PSD3: variants seen among roughly 807,000 people sequenced by gnomAD.
PSD3 encodes the protein PH and SEC7 domain-containing protein 3.
Under a neutral mutation model 105.5 loss-of-function variants are expected in PSD3, and 49 were observed. The observed-to-expected ratio is 0.46, with a 90% CI of 0.37 to 0.59. The LOEUF (loss-of-function observed/expected upper bound fraction) is 0.59. Among genes scored for constraint, PSD3 ranks in the 20% least tolerant of loss-of-function variants. PSD3 has a pLI of 0.00. For synonymous variants in PSD3, 557 were observed against 457.8 expected (o/e 1.22, Z -2.77); for missense variants, 1,561 against 1,263.8 (o/e 1.24, Z -3.57).
intron 2 of PSD3, among the ~76,000 whole-genome samples, chr8:18,914,611 G>C (rs535047553): frequency 6.6e-6 from 1 of 152,258 alleles, no homozygotes; most frequent in East Asian, 1.9e-4. Context: ...AATCTCATTT[G>C]TAACACCTAC....
chr8:18,841,677 G>A (rs889835167), intron 4 of PSD3, among the ~76,000 whole-genome samples: 1 of 152,132 alleles, frequency 6.6e-6, no homozygotes, highest in Non-Finnish European at 1.5e-5. Context: ...GTATAATGAA[G>A]ATAGCCAAAA....
intron 6 of PSD3, among the ~76,000 whole-genome samples, chr8:18,803,864 G>C (rs1810956949): frequency 6.6e-6 from 1 of 151,972 alleles, no homozygotes; most frequent in African/African-American, 2.4e-5. Flanking sequence ...GGTGGTGACG[G>C]CTGGACAACA....
intron 6 of PSD3, 66 bp from the exon 7 acceptor site, chr8:18,801,448 A>C (rs1427680643): frequency 8.3e-6 from 7 of 846,570 alleles, no homozygotes; most frequent in East Asian, 5.0e-5. Flanking sequence ...TTTCATAGTT[A>C]AAAGTCAATT....
At chr8:18,666,252 T>C (rs907176350) in intron 9 of PSD3, among the ~76,000 whole-genome samples, 4 of 152,210 alleles carry the variant, frequency 2.6e-5, no homozygotes, top group African/African-American at 7.2e-5. Context: ...GGTTTCGCCA[T>C]GTTGGCCAGG....
chr8:18,861,801 C>G (rs1288458256), intron 4 of PSD3, among the ~76,000 whole-genome samples: 2 of 152,108 alleles, frequency 1.3e-5, no homozygotes, highest in Admixed American at 6.5e-5. Context: ...CAAAGTCTTA[C>G]CACAAAACTG....
chr8:18,845,316 C>T (rs1233057714), intron 4 of PSD3, among the ~76,000 whole-genome samples: 2 of 152,094 alleles, frequency 1.3e-5, no homozygotes, highest in Admixed American at 1.3e-4. Flanking sequence ...CTGAAGAAAC[C>T]CTGCGTCTCC....
intron 1 of PSD3, among the ~76,000 whole-genome samples, chr8:19,056,965 T>G (rs1828728877): frequency 6.6e-6 from 1 of 152,184 alleles, no homozygotes; most frequent in African/African-American, 2.4e-5. Flanking sequence ...AGAAGCTGTC[T>G]GATAAGGGTA....
chr8:19,002,768 A>G (rs6997847), intron 1 of PSD3, among the ~76,000 whole-genome samples: 149,133 of 152,098 alleles, frequency 0.98, 73,188 homozygotes, highest in Middle Eastern at 1. Flanking sequence ...ACATTCTTCC[A>G]CATATTTTGA....
At chr8:19,025,486 T>C (rs1827515840) in intron 1 of PSD3, among the ~76,000 whole-genome samples, 3 of 152,214 alleles carry the variant, frequency 2.0e-5, no homozygotes, top group Admixed American at 2.0e-4. Context: ...CTTGAGTTTC[T>C]TGACGGTGTC....
chr8:18,939,762 A>T (rs1398166521), intron 1 of PSD3, among the ~76,000 whole-genome samples: 1 of 152,254 alleles, frequency 6.6e-6, no homozygotes, highest in Non-Finnish European at 1.5e-5. Context: ...TATCAAGAGG[A>T]GCCTGCTCAA....
intron 10 of PSD3, among the ~76,000 whole-genome samples, chr8:18,653,403 C>T (rs1199272975): frequency 6.6e-6 from 1 of 151,622 alleles, no homozygotes; most frequent in Non-Finnish European, 1.5e-5. Flanking sequence ...TTGAAAGCTA[C>T]AGCATCAGGC....
chr8:18,960,583 G>T (rs1215472597), intron 1 of PSD3, among the ~76,000 whole-genome samples: 1 of 152,158 alleles, frequency 6.6e-6, no homozygotes, highest in Non-Finnish European at 1.5e-5. Flanking sequence ...GTAAACTGCT[G>T]CTTAGTGACA....
chr8:19,029,665 C>T (rs953341309), intron 1 of PSD3, among the ~76,000 whole-genome samples: 2 of 152,140 alleles, frequency 1.3e-5, no homozygotes, highest in African/African-American at 2.4e-5. Context: ...CCAATGGGTT[C>T]CTCTTACCAC....
At chr8:18,781,579 G>A (rs760850792) in intron 8 of PSD3, among the ~76,000 whole-genome samples, 77 of 152,186 alleles carry the variant, frequency 5.1e-4, no homozygotes, top group Non-Finnish European at 9.3e-4. Flanking sequence ...TTTGCTATTA[G>A]TGTGATAGGG....
chr8:18,585,423 T>A (rs1803104062), intron 12 of PSD3, among the ~76,000 whole-genome samples: 1 of 152,158 alleles, frequency 6.6e-6, no homozygotes, highest in African/African-American at 2.4e-5. Context: ...GCTCAATCAA[T>A]CCTCCTGCCT....
At chr8:18,650,205 T>C (rs1210241195) in intron 10 of PSD3, among the ~76,000 whole-genome samples, 1 of 152,216 alleles carries the variant, frequency 6.6e-6, no homozygotes, top group Non-Finnish European at 1.5e-5. Context: ...TTTCTGAAGA[T>C]CCTCATGCAG....
chr8:18,574,745 C>T lies in PSD3; in HGVS notation c.2639+383G>A, dbSNP rs376394857. 2.8e-4 allele frequency among the ~76,000 whole-genome samples: 42 copies of T among 152,268 alleles called. 2 individuals are homozygous for T. In the South Asian group the frequency reaches 5.4e-3, roughly 20 times the overall value. ...TAAACGTTATCCCCCACACTAGTGACGAGCTGAGGTTCAGAGGTTAAACTA... is the reference window on the plus strand; with the variant it reads ...TAAACGTTATCCCCCACACTAGTGATGAGCTGAGGTTCAGAGGTTAAACTA... On this transcript the variant is annotated intron_variant, in intron 13 of 15. Coordinates refer to ENST00000327040, the MANE Select transcript of PSD3 (RefSeq NM_015310.4).
chr8:18,680,304 G>A (rs192874156), intron 9 of PSD3, among the ~76,000 whole-genome samples: 11 of 152,194 alleles, frequency 7.2e-5, no homozygotes, highest in Non-Finnish European at 1.2e-4. Flanking sequence ...AAGGGTACCC[G>A]AATACCCGGG....
intron 14 of PSD3, among the ~76,000 whole-genome samples, chr8:18,561,822 A>G (rs940827233): frequency 6.6e-6 from 1 of 152,146 alleles, no homozygotes; most frequent in Admixed American, 6.6e-5. Context: ...TGATCAGGCA[A>G]TGGGAACAGG....
Sources: allele counts gnomAD v4.1 joint callset (sites outside exome capture counted in the v4.1 genomes callset), GRCh38; gene constraint gnomAD v4.1.1; transcripts MANE v1.5; gene names NCBI Gene and HGNC (gene_info 2026-07-23, HGNC 2026-07-21).